The following ENAH variants were observed in gnomAD, a reference collection of about 807,000 sequenced individuals.
The protein encoded by ENAH is protein enabled homolog.
A neutral mutation model predicts 78.7 loss-of-function variants in ENAH; 23 were observed. The ratio of observed to expected loss-of-function variants is 0.29; its 90% confidence interval spans 0.21 to 0.41. ENAH has a LOEUF of 0.41. Ranked by LOEUF, ENAH falls within the 10% of genes least tolerant of loss-of-function variation. ENAH has a pLI of 1.00. For missense variants in ENAH, 544 were observed against 691.0 expected, an observed-to-expected ratio of 0.79 and a Z score of 2.39; for synonymous variants, 226 against 241.0, an observed-to-expected ratio of 0.94 and a Z score of 0.58.
chr1:225,507,925 T>G (rs754641719), intron 11 of ENAH, 26 bp downstream of exon 11: 1 of 1,490,314 alleles, frequency 6.7e-7, no homozygotes, highest in South Asian at 1.3e-5. Context: ...AAATAAAATA[T>G]AAAACTTAGA....
intron 3 of ENAH, among the ~76,000 whole-genome samples, chr1:225,546,684 A>AG (rs1273704380): frequency 6.6e-6 from 1 of 152,230 alleles, no homozygotes; most frequent in Non-Finnish European, 1.5e-5. Context: ...CAGGATCTGG[A>AG]GGCCTAATTC....
chr1:225,633,804 G>A (rs1218650518), intron 1 of ENAH, among the ~76,000 whole-genome samples: 1 of 152,118 alleles, frequency 6.6e-6, no homozygotes, highest in African/African-American at 2.4e-5. Flanking sequence ...ATTTGCACCA[G>A]GTGTGAACAA....
intron 1 of ENAH, among the ~76,000 whole-genome samples, chr1:225,593,412 G>GT (rs2096887381): frequency 8.4e-6 from 1 of 118,344 alleles, no homozygotes; most frequent in Non-Finnish European, 1.8e-5. Context: ...GGGGGGGGGG[G>GT]GGGGGTGGGG....
At chr1:225,517,050 T>G in intron 6 of ENAH, 146 bp downstream of exon 6, 1 of 574,776 alleles carries the variant, frequency 1.7e-6, no homozygotes, top group South Asian at 5.8e-5. Flanking sequence ...TTAATTTTTT[T>G]AATTAAAAAA....
chr1:225,604,310 T>C (rs1480775609), intron 1 of ENAH, among the ~76,000 whole-genome samples: 3 of 152,064 alleles, frequency 2.0e-5, no homozygotes, highest in Non-Finnish European at 4.4e-5. Context: ...TCTCTTAACT[T>C]TGGAAAATGT....
rs1558969203 is a variant in ENAH at position 225,652,463 on chromosome 1, A to T, written c.5+223T>A. 6.2e-6 allele frequency: 6 copies of T among 968,438 alleles called. 1 individual carries two copies. In the East Asian group the frequency reaches 6.9e-4, roughly 111 times the overall value. 60.0% of individuals were successfully genotyped at this position (968,438 alleles called of 1,614,324 possible). ...GTGAAAGAAGAGCATTTGAGGAAAA[A>T]TGAGAGAACGATGAAGCGAGACCCC... On this transcript the variant is annotated intron_variant, in intron 1 of 13. Transcript: ENST00000366843.
intron 3 of ENAH, among the ~76,000 whole-genome samples, chr1:225,539,164 T>C (rs2096577063): frequency 6.6e-6 from 1 of 152,184 alleles, no homozygotes. Flanking sequence ...CTTTTACTCC[T>C]ATTTAACCAA....
intron 1 of ENAH, among the ~76,000 whole-genome samples, chr1:225,591,112 T>C (rs2096873439): frequency 6.6e-6 from 1 of 152,190 alleles, no homozygotes; most frequent in African/African-American, 2.4e-5. Context: ...CTAAGCATAT[T>C]TTGTGTTATC....
At chr1:225,584,713 G>A (rs923555784) in intron 1 of ENAH, among the ~76,000 whole-genome samples, 5 of 151,444 alleles carry the variant, frequency 3.3e-5, no homozygotes, top group Non-Finnish European at 7.4e-5. Context: ...TAAGCAACAA[G>A]ATCTTCAAAG....
intron 2 of ENAH, among the ~76,000 whole-genome samples, chr1:225,557,458 A>C (rs2096672703): frequency 6.6e-6 from 1 of 152,214 alleles, no homozygotes; most frequent in Non-Finnish European, 1.5e-5. Context: ...TGCTGAAAAA[A>C]AGTGTTCATA....
At chr1:225,510,140 T>G (rs1044670270) in intron 10 of ENAH, among the ~76,000 whole-genome samples, 2 of 152,198 alleles carry the variant, frequency 1.3e-5, no homozygotes, top group Non-Finnish European at 2.9e-5. Flanking sequence ...AATGTCAGTT[T>G]AAAAACGGAA....
At chr1:225,506,459 A>T (rs2096330532) in intron 11 of ENAH, among the ~76,000 whole-genome samples, 1 of 152,178 alleles carries the variant, frequency 6.6e-6, no homozygotes, top group African/African-American at 2.4e-5. Context: ...AAGTGCTGGG[A>T]TTACAGGCAT....
At chr1:225,514,952 T>C (rs2096406455) in intron 6 of ENAH, 52 bp from the exon 7 acceptor site, 6 of 1,445,010 alleles carry the variant, frequency 4.2e-6, no homozygotes, top group Non-Finnish European at 5.8e-6. Context: ...CTGAGTGATA[T>C]TATTTTATGT....
At chr1:225,616,383 G>T (rs1334981631) in intron 1 of ENAH, among the ~76,000 whole-genome samples, 1 of 148,706 alleles carries the variant, frequency 6.7e-6, no homozygotes, top group Non-Finnish European at 1.5e-5. Context: ...TAAGGCATGA[G>T]AATTATTTCA....
intron 2 of ENAH, among the ~76,000 whole-genome samples, chr1:225,562,124 T>C (rs1288591686): frequency 6.6e-6 from 1 of 151,986 alleles, no homozygotes; most frequent in Non-Finnish European, 1.5e-5. Context: ...GGTTTCACCA[T>C]GGTAGTCAGG....
intron 1 of ENAH, among the ~76,000 whole-genome samples, chr1:225,599,725 G>A (rs1468646171): frequency 6.6e-6 from 1 of 151,052 alleles, no homozygotes; most frequent in Non-Finnish European, 1.5e-5. Context: ...GAACCCCGGA[G>A]GCAGAGGTTG....
At chr1:225,567,192 G>A (rs1299804709) in intron 2 of ENAH, 57 bp downstream of exon 2, 4 of 1,562,206 alleles carry the variant, frequency 2.6e-6, no homozygotes, top group Non-Finnish European at 3.5e-6. Flanking sequence ...TACGGAATAT[G>A]CCAAGTCCTT....
At chr1:225,550,439 T>C (rs1268982521) in intron 3 of ENAH, among the ~76,000 whole-genome samples, 1 of 152,226 alleles carries the variant, frequency 6.6e-6, no homozygotes, top group Non-Finnish European at 1.5e-5. Flanking sequence ...TACGCTTTAC[T>C]GAAAATATTT....
chr1:225,507,001 T>C (rs1320870595), intron 11 of ENAH, among the ~76,000 whole-genome samples: 1 of 151,992 alleles, frequency 6.6e-6, no homozygotes, highest in African/African-American at 2.4e-5. Context: ...TTTTTTTTTC[T>C]GGGAAAAATA....
Sources: gnomAD v4.1 joint callset for allele counts (sites outside exome capture counted in the v4.1 genomes callset) on GRCh38, gnomAD v4.1.1 for gene constraint, MANE v1.5 for transcripts, NCBI Gene and HGNC (gene_info 2026-07-23, HGNC 2026-07-21) for gene names.